Variants in AFF2 observed in about 807,000 individuals in gnomAD.
AFF2 encodes the protein AF4/FMR2 family member 2.
AFF2 carries 14 observed loss-of-function variants against 76.9 expected under a neutral mutation model. The observed-to-expected ratio is 0.18, with a 90% CI of 0.12 to 0.28. The LOEUF is 0.28. Among genes scored for constraint, AFF2 ranks in the 10% least tolerant of loss-of-function variants. AFF2 has a pLI of 1.00. For synonymous variants in AFF2, 398 were observed against 366.7 expected (o/e 1.09, Z -0.98); for missense variants, 868 against 1,001.1 (o/e 0.87, Z 1.79).
chrX:148,641,677 A>G (rs897910198), intron 1 of AFF2, among the ~76,000 whole-genome samples: 1 of 111,369 alleles, frequency 9.0e-6, no homozygotes, highest in Admixed American at 9.5e-5. Flanking sequence ...ATTAGGAAGA[A>G]TCTGCTAATT....
chrX:148,846,255 G>A (rs782208169), intron 7 of AFF2, among the ~76,000 whole-genome samples: 1 of 112,107 alleles, frequency 8.9e-6, no homozygotes, highest in Non-Finnish European at 1.9e-5. Flanking sequence ...GAATGCTTAT[G>A]AGGCAAGAGT....
At chrX:148,656,727 C>G (rs781873736) in intron 2 of AFF2, among the ~76,000 whole-genome samples, 7 of 109,262 alleles carry the variant, frequency 6.4e-5, no homozygotes, top group African/African-American at 6.7e-5. Flanking sequence ...GTCTCGATCT[C>G]CTGACCTCGT....
chrX:148,898,206 G>C (rs782367442), intron 8 of AFF2, among the ~76,000 whole-genome samples: 6 of 111,914 alleles, frequency 5.4e-5, no homozygotes, highest in Non-Finnish European at 9.4e-5. Flanking sequence ...TTCCATGGTA[G>C]TGAAATGCAC....
At chrX:148,833,738 G>T (rs185856421) in intron 4 of AFF2, among the ~76,000 whole-genome samples, 20 of 112,246 alleles carry the variant, frequency 1.8e-4, no homozygotes, top group Admixed American at 3.8e-4. Flanking sequence ...TGTGAAAAGG[G>T]TGTGAGGCTA....
chrX:148,617,699 C>T (rs2053826438), intron 1 of AFF2, among the ~76,000 whole-genome samples: 1 of 112,320 alleles, frequency 8.9e-6, no homozygotes, highest in Admixed American at 9.4e-5. Context: ...TCACACTCGC[C>T]TTATGTTTAC....
chrX:148,614,066 T>C (rs782275189), intron 1 of AFF2, among the ~76,000 whole-genome samples: 1 of 111,906 alleles, frequency 8.9e-6, no homozygotes, highest in East Asian at 2.8e-4. Context: ...AATTGGCAAC[T>C]CATTAACAAC....
At chrX:148,879,002 T>G (rs1260746400) in intron 7 of AFF2, among the ~76,000 whole-genome samples, 1 of 112,159 alleles carries the variant, frequency 8.9e-6, no homozygotes, top group Non-Finnish European at 1.9e-5. Flanking sequence ...GATGAATGTA[T>G]GTGACCAATT....
At chrX:148,639,586 G>T (rs1196679808) in intron 1 of AFF2, among the ~76,000 whole-genome samples, 1 of 111,874 alleles carries the variant, frequency 8.9e-6, no homozygotes, top group Non-Finnish European at 1.9e-5. Flanking sequence ...GAAAACATTT[G>T]TGCCAATGGA....
At chrX:148,952,623 A>G (rs112245790) in intron 9 of AFF2, among the ~76,000 whole-genome samples, 4,156 of 111,743 alleles carry the variant, frequency 0.037, 184 homozygotes, top group African/African-American at 0.13. Context: ...ACCCCAGTGT[A>G]CCAAGTTGCA....
chrX:148,764,534 C>A (rs781813480), intron 3 of AFF2, among the ~76,000 whole-genome samples: 1 of 112,280 alleles, frequency 8.9e-6, no homozygotes, highest in East Asian at 2.8e-4. Flanking sequence ...CTGTTAATTT[C>A]TTTTGTCAAT....
intron 8 of AFF2, among the ~76,000 whole-genome samples, chrX:148,891,842 G>A (rs2071227665): frequency 8.9e-6 from 1 of 111,747 alleles, no homozygotes; most frequent in Non-Finnish European, 1.9e-5. Context: ...GGTCTTGTTA[G>A]AAACTTCCTT....
intron 7 of AFF2, among the ~76,000 whole-genome samples, chrX:148,874,047 T>A (rs1207916847): frequency 5.4e-5 from 6 of 111,801 alleles, no homozygotes; most frequent in African/African-American, 2.0e-4. Context: ...AAGGTGAGTC[T>A]ATGAATAATA....
At chrX:148,596,761 T>G (rs2053576332) in intron 1 of AFF2, among the ~76,000 whole-genome samples, 1 of 112,626 alleles carries the variant, frequency 8.9e-6, no homozygotes. Flanking sequence ...TTGATGTGAC[T>G]AAATAGTTTA....
intron 7 of AFF2, among the ~76,000 whole-genome samples, chrX:148,883,275 A>G (rs782053218): frequency 4.5e-5 from 5 of 111,831 alleles, no homozygotes; most frequent in Non-Finnish European, 7.5e-5. Context: ...AGAAAATTAA[A>G]AGGAGAGGAG....
chrX:148,877,132 C>T (rs150709713), intron 7 of AFF2, among the ~76,000 whole-genome samples: 3 of 111,630 alleles, frequency 2.7e-5, no homozygotes, highest in Non-Finnish European at 5.6e-5. Context: ...GGTCAGCTGG[C>T]ACCTTTGGCA....
chrX:148,522,019 A>G (rs1327432942), intron 1 of AFF2, among the ~76,000 whole-genome samples: 1 of 112,244 alleles, frequency 8.9e-6, no homozygotes, highest in Non-Finnish European at 1.9e-5. Flanking sequence ...ATTTGTCACC[A>G]TATTGTCGGT....
intron 1 of AFF2, among the ~76,000 whole-genome samples, chrX:148,612,020 T>G (rs781860451): frequency 8.9e-6 from 1 of 111,996 alleles, no homozygotes; most frequent in African/African-American, 3.2e-5. Context: ...TTCTGGGATT[T>G]ATTTTCCTGT....
chrX:148,791,002 C>T (rs1397544516), intron 3 of AFF2, among the ~76,000 whole-genome samples: 1 of 111,917 alleles, frequency 8.9e-6, no homozygotes, highest in Non-Finnish European at 1.9e-5. Flanking sequence ...TTAGACAGAA[C>T]TCGTGAGAAA....
Position 148,987,248 on chromosome X carries a change from T to C in AFF2, c.3624-119T>C, listed in dbSNP as rs2072482834. 5 of 661,792 alleles carry C rather than the reference T, an allele frequency of 7.6e-6. No homozygotes were observed. In the East Asian group the frequency reaches 1.6e-4, roughly 22 times the overall value. 54.5% of individuals were successfully genotyped at this position (661,792 alleles called of 1,213,427 possible). Reference sequence around the variant, plus strand: ...GGGGCTTCACATGTGTACGCTATGCTAAACTTCACTCCAGCAAATGGCATT... The same window carrying C: ...GGGGCTTCACATGTGTACGCTATGCCAAACTTCACTCCAGCAAATGGCATT... On this transcript the variant is annotated intron_variant, in intron 19 of 20. Transcript: ENST00000370460.
Sources: gnomAD v4.1 joint callset for allele counts (sites outside exome capture counted in the v4.1 genomes callset) on GRCh38, gnomAD v4.1.1 for gene constraint, MANE v1.5 for transcripts, NCBI Gene and HGNC (gene_info 2026-07-23, HGNC 2026-07-21) for gene names.